Variants in NRG3 observed in about 807,000 individuals in gnomAD.
NRG3 encodes pro-neuregulin-3, membrane-bound isoform.
NRG3 carries 31 observed loss-of-function variants against 66.9 expected under a neutral mutation model. The observed-to-expected ratio is 0.46, with a 90% confidence interval of 0.35 to 0.63. The LOEUF is 0.63. Ranked by LOEUF, NRG3 falls within the 20% of genes least tolerant of loss-of-function variation. The pLI is 0.00. For missense variants in NRG3, 910 were observed against 878.9 expected, an observed-to-expected ratio of 1.04 and a Z score of -0.45; for synonymous variants, 393 against 359.4, an observed-to-expected ratio of 1.09 and a Z score of -1.06.
chr10:82,577,609 G>T (rs1344479607), intron 2 of NRG3, among the ~76,000 whole-genome samples: 1 of 151,630 alleles, frequency 6.6e-6, no homozygotes, highest in East Asian at 1.9e-4. Context: ...CCATTGTTTT[G>T]TTGCACTAGC....
chr10:82,599,056 G>GA lies in NRG3; in HGVS notation c.954-139513dup, dbSNP rs572429630. 5.4e-4 allele frequency among the ~76,000 whole-genome samples: 81 copies of GA among 150,944 alleles called. 2 individuals are homozygous for GA. In the South Asian group the frequency reaches 0.013, roughly 23 times the overall value. On this transcript the variant is annotated intron_variant, in intron 2 of 8. Coordinates refer to ENST00000372141, the MANE Select transcript of NRG3 (RefSeq NM_001010848.4). The stretch of plus-strand genomic sequence containing the variant: ...CAAAGGGAGACTCCATCTCAAAAAA[G>GA]AAAAAAAAGAAGAAAGAAAATGATG...
intron 2 of NRG3, among the ~76,000 whole-genome samples, chr10:82,444,144 C>T (rs2087171218): frequency 1.3e-5 from 2 of 152,122 alleles, no homozygotes; most frequent in Admixed American, 1.3e-4. Flanking sequence ...GCTCTATCGC[C>T]CAGGCTGGAG....
chr10:82,902,508 T>A (rs1844330099), intron 4 of NRG3, among the ~76,000 whole-genome samples: 1 of 151,992 alleles, frequency 6.6e-6, no homozygotes, highest in African/African-American at 2.4e-5. Context: ...AAAAAGGAAA[T>A]TCGGAAGGAA....
At chr10:82,055,650 G>A (rs1247962443) in intron 1 of NRG3, among the ~76,000 whole-genome samples, 2 of 152,154 alleles carry the variant, frequency 1.3e-5, no homozygotes, top group Non-Finnish European at 2.9e-5. Flanking sequence ...AGAGCAAAGT[G>A]ATAGGGTGAT....
chr10:82,823,589 T>C (rs565085493), intron 3 of NRG3, among the ~76,000 whole-genome samples: 2 of 152,228 alleles, frequency 1.3e-5, no homozygotes, highest in South Asian at 4.2e-4. Context: ...TTCTCCCAGC[T>C]ACTGGGAGGC....
chr10:81,942,518 C>T (rs937027963), intron 1 of NRG3, among the ~76,000 whole-genome samples: 1 of 152,152 alleles, frequency 6.6e-6, no homozygotes, highest in Non-Finnish European at 1.5e-5. Context: ...CTATATCAGT[C>T]CTTGATGCCT....
chr10:82,640,293 A>G (rs1309109856), intron 2 of NRG3, among the ~76,000 whole-genome samples: 1 of 152,242 alleles, frequency 6.6e-6, no homozygotes, highest in Non-Finnish European at 1.5e-5. Context: ...TGATAAATAA[A>G]ATGTGGTACA....
At chr10:82,254,316 A>G (rs570387097) in intron 1 of NRG3, among the ~76,000 whole-genome samples, 1 of 152,168 alleles carries the variant, frequency 6.6e-6, no homozygotes, top group Admixed American at 6.5e-5. Flanking sequence ...GATACCTTGG[A>G]CTTGGTGTTA....
chr10:82,585,996 T>G (rs1590773782), intron 2 of NRG3, among the ~76,000 whole-genome samples: 1 of 152,280 alleles, frequency 6.6e-6, no homozygotes, highest in Middle Eastern at 3.4e-3. Context: ...CTTTATACAC[T>G]AAGTGATTTC....
intron 1 of NRG3, among the ~76,000 whole-genome samples, chr10:82,225,898 A>G (rs1453374382): frequency 1.3e-5 from 2 of 152,130 alleles, no homozygotes; most frequent in Non-Finnish European, 2.9e-5. Context: ...ATCACGTGGC[A>G]TATTTCTGTC....
chr10:82,390,359 G>A (rs531342483), intron 2 of NRG3, among the ~76,000 whole-genome samples: 1 of 152,064 alleles, frequency 6.6e-6, no homozygotes, highest in Non-Finnish European at 1.5e-5. Flanking sequence ...GGCTGGGGTG[G>A]ATTGTTCTCA....
chr10:82,718,890 T>C (rs550782963), intron 2 of NRG3, among the ~76,000 whole-genome samples: 1 of 152,354 alleles, frequency 6.6e-6, no homozygotes, highest in Admixed American at 6.5e-5. Context: ...GTTGTAATTG[T>C]AGTGCAAATT....
At chr10:82,745,818 T>G (rs1263389748) in intron 3 of NRG3, among the ~76,000 whole-genome samples, 2 of 152,124 alleles carry the variant, frequency 1.3e-5, no homozygotes, top group African/African-American at 2.4e-5. Flanking sequence ...AGATAACCAC[T>G]GATAATCAAT....
chr10:82,349,169 TTC>T, intron 1 of NRG3, among the ~76,000 whole-genome samples: 1 of 150,702 alleles, frequency 6.6e-6, no homozygotes, highest in Admixed American at 6.6e-5. Context: ...AGTTTTTCTG[TTC>T]TGTTTTTTCC....
intron 3 of NRG3, among the ~76,000 whole-genome samples, chr10:82,807,386 T>G (rs1442550344): frequency 6.6e-6 from 1 of 152,170 alleles, no homozygotes; most frequent in Admixed American, 6.5e-5. Context: ...ACCTACTTTG[T>G]GTCTGGGGAT....
At chr10:81,938,785 C>G (rs976205612) in intron 1 of NRG3, among the ~76,000 whole-genome samples, 1 of 151,994 alleles carries the variant, frequency 6.6e-6, no homozygotes, top group Non-Finnish European at 1.5e-5. Context: ...GTTAGGACTT[C>G]CAGTACTATG....
chr10:82,471,166 A>T (rs540777353), intron 2 of NRG3, among the ~76,000 whole-genome samples: 33 of 152,238 alleles, frequency 2.2e-4, no homozygotes, highest in Middle Eastern at 6.8e-3. Context: ...TTGGATGAAA[A>T]GGGGAAAAAG....
At chr10:82,750,415 G>C (rs781572062) in intron 3 of NRG3, among the ~76,000 whole-genome samples, 1 of 152,128 alleles carries the variant, frequency 6.6e-6, no homozygotes, top group Non-Finnish European at 1.5e-5. Context: ...ATCTCATAAT[G>C]TGGATTAAGA....
chr10:82,386,306 T>G (rs562407361), intron 2 of NRG3, among the ~76,000 whole-genome samples: 2 of 152,254 alleles, frequency 1.3e-5, no homozygotes, highest in East Asian at 3.9e-4. Flanking sequence ...TGGCTCCTTA[T>G]TAAAAGTCTT....
Sources: allele counts gnomAD v4.1 joint callset (sites outside exome capture counted in the v4.1 genomes callset), GRCh38; gene constraint gnomAD v4.1.1; transcripts MANE v1.5; gene names NCBI Gene and HGNC (gene_info 2026-07-23, HGNC 2026-07-21).